Variants in PRR16 observed in about 807,000 individuals in gnomAD.
PRR16 encodes the protein proline rich 16, also known as protein Largen.
PRR16 carries 6 observed loss-of-function variants against 18.2 expected under a neutral mutation model. The observed-to-expected ratio is 0.33, with a 90% CI of 0.18 to 0.65. The LOEUF is 0.65. Among genes scored for constraint, PRR16 ranks in the 30% least tolerant of loss-of-function variants. The pLI is 0.74. For synonymous variants in PRR16, 151 were observed against 147.8 expected (o/e 1.02, Z -0.16); for missense variants, 412 against 376.6 (o/e 1.09, Z -0.78).
At chr5:120,631,257 A>C (rs1460829116) in intron 1 of PRR16, among the ~76,000 whole-genome samples, 2 of 152,184 alleles carry the variant, frequency 1.3e-5, no homozygotes, top group African/African-American at 2.4e-5. Flanking sequence ...GGGTGGACAG[A>C]GCAGCTTGTG....
At chr5:120,493,356 T>A (rs1446708966) in intron 1 of PRR16, among the ~76,000 whole-genome samples, 3 of 152,234 alleles carry the variant, frequency 2.0e-5, no homozygotes, top group Non-Finnish European at 4.4e-5. Flanking sequence ...TTGTAATCTT[T>A]TTTTGAGAAA....
intron 1 of PRR16, among the ~76,000 whole-genome samples, chr5:120,557,906 G>C (rs1458099825): frequency 1.3e-5 from 2 of 151,830 alleles, no homozygotes; most frequent in Admixed American, 1.3e-4. Flanking sequence ...AATTTGGAGA[G>C]GGGGAGGACG....
the PRR16 span, among the ~76,000 whole-genome samples, chr5:120,699,740 T>C: frequency 6.6e-6 from 1 of 152,142 alleles, no homozygotes; most frequent in Non-Finnish European, 1.5e-5. Context: ...CTACAGGGTG[T>C]GGTCCTGGCT....
the PRR16 span, among the ~76,000 whole-genome samples, chr5:120,727,218 T>G: frequency 0.023 from 3,449 of 152,210 alleles, 144 homozygotes; most frequent in African/African-American, 0.078. Context: ...GTATATCTGC[T>G]GCTCCAAGAT....
chr5:120,520,206 G>T (rs1751127420), intron 1 of PRR16, among the ~76,000 whole-genome samples: 1 of 152,090 alleles, frequency 6.6e-6, no homozygotes, highest in African/African-American at 2.4e-5. Context: ...GACCAGTCTG[G>T]CCACATAGTG....
At chr5:120,535,391 T>C (rs1256860157) in intron 1 of PRR16, among the ~76,000 whole-genome samples, 5 of 152,232 alleles carry the variant, frequency 3.3e-5, no homozygotes, top group African/African-American at 1.2e-4. Context: ...ATCAAAACAT[T>C]GATAGTAATT....
chr5:120,622,282 G>A (rs1524559), intron 1 of PRR16, among the ~76,000 whole-genome samples: 67,769 of 151,808 alleles, frequency 0.45, 15,898 homozygotes, highest in Middle Eastern at 0.62. Context: ...AGTGAAGGAA[G>A]GAGATTCTAC....
the PRR16 span, among the ~76,000 whole-genome samples, chr5:120,748,201 C>T: frequency 1.3e-5 from 2 of 151,966 alleles, no homozygotes; most frequent in African/African-American, 4.8e-5. Context: ...TGCTTCTTTG[C>T]ACCTATTTTT....
At chr5:120,768,984 T>C in the PRR16 span, among the ~76,000 whole-genome samples, 16 of 151,840 alleles carry the variant, frequency 1.1e-4, no homozygotes, top group Non-Finnish European at 2.2e-4. Context: ...CCAAAATTTA[T>C]ATATGCAAAC....
intron 1 of PRR16, among the ~76,000 whole-genome samples, chr5:120,493,267 G>C (rs1462781328): frequency 6.6e-6 from 1 of 152,018 alleles, no homozygotes; most frequent in Middle Eastern, 3.2e-3. Context: ...GAAATAAGGT[G>C]GTATATCATT....
the PRR16 span, among the ~76,000 whole-genome samples, chr5:120,739,880 C>T: frequency 6.6e-6 from 1 of 150,944 alleles, no homozygotes; most frequent in Non-Finnish European, 1.5e-5. Context: ...TTTCAGTAAG[C>T]TTCAAATAAA....
At position 120,686,615 on chromosome 5, in the gene PRR16, G is replaced by C; in HGVS notation, c.821G>C (p.Ser274Thr). 2 of 1,612,508 alleles carry C rather than the reference G, an allele frequency of 1.2e-6. No homozygotes were observed. Among genetic ancestry groups the C allele is most frequent in the South Asian group, 1.1e-5 (1 of 90,870 alleles). Residue 274 changes from serine to threonine, a missense_variant, in exon 2 of 2, where the codon AGC becomes ACC. By Grantham distance (58) the Ser-to-Thr change is moderately conservative (BLOSUM62 1). Coordinates refer to ENST00000407149, the MANE Select transcript of PRR16 (RefSeq NM_001300783.2). The part of the protein sequence containing the change: ...NGGMGISHSN[S>T]FPPIRPATVP... ...GGAATGGGAATAAGCCACAGTAACA[G>C]CTTCCCCCCTATCAGACCTGCAACT...
At chr5:120,714,469 T>G in the PRR16 span, among the ~76,000 whole-genome samples, 1 of 152,072 alleles carries the variant, frequency 6.6e-6, no homozygotes, top group African/African-American at 2.4e-5. Context: ...GAATGGTGAT[T>G]ATTAAAAAGT....
At chr5:120,737,634 T>C in the PRR16 span, among the ~76,000 whole-genome samples, 1 of 151,678 alleles carries the variant, frequency 6.6e-6, no homozygotes, top group Admixed American at 6.6e-5. Context: ...CTTAGTTTTT[T>C]CTTTCTTTCT....
At chr5:120,603,554 T>G (rs534802966) in intron 1 of PRR16, among the ~76,000 whole-genome samples, 1 of 152,198 alleles carries the variant, frequency 6.6e-6, no homozygotes, top group South Asian at 2.1e-4. Context: ...TGTCTCAATT[T>G]TATTCATTTC....
chr5:120,662,744 C>T (rs1343064106), intron 1 of PRR16, among the ~76,000 whole-genome samples: 1 of 152,102 alleles, frequency 6.6e-6, no homozygotes, highest in Non-Finnish European at 1.5e-5. Flanking sequence ...ACGTGTTTCT[C>T]TCATGTCTAA....
the PRR16 span, among the ~76,000 whole-genome samples, chr5:120,779,353 T>G: frequency 2.0e-5 from 3 of 152,108 alleles, no homozygotes; most frequent in African/African-American, 7.2e-5. Context: ...ATGAATAAAA[T>G]CCCTGCTTAG....
At position 120,530,254 on chromosome 5, in the gene PRR16, AATATATATAT is replaced by A. The variant is rs3047950; in HGVS notation, c.159+65630_159+65639del. ...TGCTGTTTTACCTGAAGTGTGTGTA[AATATATATAT>A]ATATATATATATATATATATTTATT... is the stretch of plus-strand genomic sequence containing the variant. On this transcript the variant is annotated intron_variant, in intron 1 of 1. Coordinates refer to ENST00000407149, the MANE Select transcript of PRR16 (RefSeq NM_001300783.2). Among the ~76,000 whole-genome samples the A allele has an allele frequency of 7.0e-4, 75 of 106,714 alleles. 1 individual carries two copies. The highest frequency in any genetic ancestry group is 1.5e-3 in the African/African-American group (36 of 24,084). The allele number at this position is 106,714 out of a possible 152,430, so 70.0% of individuals were successfully genotyped here.
chr5:120,760,384 C>G, the PRR16 span, among the ~76,000 whole-genome samples: 4 of 152,070 alleles, frequency 2.6e-5, no homozygotes, highest in Non-Finnish European at 4.4e-5. Context: ...TTTTTAACTA[C>G]TGACCAAACC....
Sources: gnomAD v4.1 joint callset for allele counts (sites outside exome capture counted in the v4.1 genomes callset) on GRCh38, gnomAD v4.1.1 for gene constraint, MANE v1.5 for transcripts, NCBI Gene and HGNC (gene_info 2026-07-23, HGNC 2026-07-21) for gene names.